Variants in FAM227B observed in about 807,000 individuals in gnomAD.
FAM227B encodes the protein protein FAM227B.
A neutral mutation model predicts 73.8 loss-of-function variants in FAM227B; 88 were observed. That is an observed-to-expected ratio of 1.19 (90% confidence interval 1.00 to 1.42). The LOEUF (loss-of-function observed/expected upper bound fraction) is 1.42, where lower values mean the gene tolerates loss of function less well. Ranked by LOEUF, FAM227B falls within the 40% of genes most tolerant of loss-of-function variation. The pLI is 0.00. For missense variants in FAM227B, 632 were observed against 590.9 expected (o/e 1.07, Z -0.72); for synonymous variants, 210 against 190.5 (o/e 1.10, Z -0.84).
chr15:49,372,345 T>A (rs2045902267), intron 11 of FAM227B, among the ~76,000 whole-genome samples: 1 of 152,138 alleles, frequency 6.6e-6, no homozygotes, highest in South Asian at 2.1e-4. Context: ...CTAAGAAACA[T>A]TTTCCATAAT....
chr15:49,435,666 A>C (rs932497061), intron 11 of FAM227B, among the ~76,000 whole-genome samples: 2 of 151,630 alleles, frequency 1.3e-5, no homozygotes, highest in African/African-American at 4.8e-5. Context: ...GAAGATGGCC[A>C]GATATTGAAT....
At chr15:49,542,900 CTTG>C (rs1251915016) in intron 9 of FAM227B, among the ~76,000 whole-genome samples, 3 of 151,824 alleles carry the variant, frequency 2.0e-5, no homozygotes, top group African/African-American at 4.8e-5. Flanking sequence ...TCTTTATCCA[CTTG>C]TTGGTTGATA....
intron 10 of FAM227B, among the ~76,000 whole-genome samples, chr15:49,538,147 G>A (rs984303079): frequency 2.6e-5 from 4 of 152,304 alleles, no homozygotes; most frequent in Middle Eastern, 3.4e-3. Context: ...CAAAAACTTT[G>A]CAAGCCAGGA....
chr15:49,403,184 T>C (rs1359087342), intron 11 of FAM227B, among the ~76,000 whole-genome samples: 1 of 152,160 alleles, frequency 6.6e-6, no homozygotes, highest in Non-Finnish European at 1.5e-5. Context: ...AGTTTGCCAG[T>C]ATTTGGTTGA....
At chr15:49,546,307 C>T (rs1215282382) in intron 9 of FAM227B, among the ~76,000 whole-genome samples, 1 of 152,148 alleles carries the variant, frequency 6.6e-6, no homozygotes, top group East Asian at 1.9e-4. Flanking sequence ...TTTATGGCTC[C>T]ATAGTATTCC....
At chr15:49,489,360 T>C in intron 11 of FAM227B, 1 of 984,776 alleles carries the variant, frequency 1.0e-6, no homozygotes, top group Non-Finnish European at 1.2e-6. Flanking sequence ...ACATTCTTGA[T>C]TCTTCCTTGA....
intron 13 of FAM227B, chr15:49,365,995 TA>T: frequency 1.2e-6 from 1 of 808,650 alleles, no homozygotes; most frequent in South Asian, 1.3e-5. Context: ...CATAACACAG[TA>T]GATGACTACA....
intron 8 of FAM227B, among the ~76,000 whole-genome samples, chr15:49,573,137 T>C (rs1024989888): frequency 1.6e-4 from 25 of 152,134 alleles, no homozygotes; most frequent in African/African-American, 6.0e-4. Context: ...TCTGTTTTCA[T>C]TTTCATTTAG....
At chr15:49,573,267 C>G (rs1412129868) in intron 8 of FAM227B, among the ~76,000 whole-genome samples, 2 of 151,872 alleles carry the variant, frequency 1.3e-5, no homozygotes, top group African/African-American at 4.8e-5. Context: ...TAATATAATT[C>G]CATGTTGATC....
At chr15:49,576,179 C>T (rs2075428196) in intron 7 of FAM227B, 1 of 152,476 alleles carries the variant, frequency 6.6e-6, no homozygotes, top group African/African-American at 2.4e-5. Flanking sequence ...ATGTAATGTA[C>T]ATAAACACAA....
At chr15:49,579,943 T>A (rs2075706375) in intron 5 of FAM227B, among the ~76,000 whole-genome samples, 1 of 152,144 alleles carries the variant, frequency 6.6e-6, no homozygotes, top group African/African-American at 2.4e-5. Context: ...AAGTCAGATT[T>A]AATTAAATGT....
At chr15:49,341,855 GA>G (rs984861097) in intron 13 of FAM227B, among the ~76,000 whole-genome samples, 2 of 152,116 alleles carry the variant, frequency 1.3e-5, no homozygotes, top group Non-Finnish European at 2.9e-5. Context: ...GTGGTTTTGG[GA>G]AATCTTTTTG....
chr15:49,577,337 G>T (rs1488718531), intron 6 of FAM227B: 1 of 352,392 alleles, frequency 2.8e-6, no homozygotes, highest in Admixed American at 4.5e-5. Context: ...CATATTTTCT[G>T]CTTCTTTGAA....
chr15:49,548,950 C>T (rs943722410), intron 9 of FAM227B, among the ~76,000 whole-genome samples: 6 of 152,154 alleles, frequency 3.9e-5, no homozygotes, highest in Admixed American at 2.6e-4. Context: ...TTTCAAAAAA[C>T]AAACTTGTTT....
Position 49,476,232 on chromosome 15 carries a change from G to GTTTTTTTTTTTTTTTTTTTT in FAM227B, c.1012+31978_1012+31979insAAAAAAAAAAAAAAAAAAAA. Among the ~76,000 whole-genome samples the GTTTTTTTTTTTTTTTTTTTT allele has an allele frequency of 5.9e-4, 34 of 57,428 alleles. 5 individuals are homozygous for GTTTTTTTTTTTTTTTTTTTT. Among genetic ancestry groups the GTTTTTTTTTTTTTTTTTTTT allele is most frequent in the Non-Finnish European group, 9.1e-4 (25 of 27,472 alleles). The allele number at this position is 57,428 out of a possible 152,430, so 37.7% of individuals were successfully genotyped here. A position where few individuals can be genotyped will look rare whatever the true frequency, so the allele number is the denominator to read the frequency against. On this transcript the variant is annotated intron_variant, in intron 11 of 15. Transcript: ENST00000299338. The stretch of plus-strand genomic sequence containing the variant: ...TTGCTGTTTTGTTTTTTTGTTTTTG[G>GTTTTTTTTTTTTTTTTTTTT]TTTTTTTTTTTTTGCATTTGGCATA...
At chr15:49,544,871 A>G (rs1025931563) in intron 9 of FAM227B, among the ~76,000 whole-genome samples, 1 of 152,168 alleles carries the variant, frequency 6.6e-6, no homozygotes, top group Non-Finnish European at 1.5e-5. Flanking sequence ...ATCGTGGTGT[A>G]TGATATTTTT....
chr15:49,396,145 T>A (rs1228038467), intron 11 of FAM227B: 1 of 363,466 alleles, frequency 2.8e-6, no homozygotes, highest in African/African-American at 2.2e-5. Flanking sequence ...GTGCTCACCG[T>A]GTGCGAGCCG....
chr15:49,505,456 A>G, intron 11 of FAM227B, among the ~76,000 whole-genome samples: 1 of 152,126 alleles, frequency 6.6e-6, no homozygotes, highest in East Asian at 1.9e-4. Context: ...AAAAGTCATG[A>G]CACTATATAA....
At chr15:49,457,993 A>AT (rs1230643517) in intron 11 of FAM227B, among the ~76,000 whole-genome samples, 2 of 151,888 alleles carry the variant, frequency 1.3e-5, no homozygotes, top group African/African-American at 4.8e-5. Flanking sequence ...GATTGATAAT[A>AT]TTTTTTCCCC....
Sources: gnomAD v4.1 joint callset for allele counts (sites outside exome capture counted in the v4.1 genomes callset) on GRCh38, gnomAD v4.1.1 for gene constraint, MANE v1.5 for transcripts, NCBI Gene and HGNC (gene_info 2026-07-23, HGNC 2026-07-21) for gene names.